MACROD2: variants seen among roughly 807,000 people sequenced by gnomAD.
MACROD2 encodes the protein mono-ADP ribosylhydrolase 2, also known as ADP-ribose glycohydrolase MACROD2.
Under a neutral mutation model 70.4 loss-of-function variants are expected in MACROD2, and 36 were observed. That is an observed-to-expected ratio of 0.51 (90% CI 0.39 to 0.68). The LOEUF (loss-of-function observed/expected upper bound fraction) is 0.68. Ranked by LOEUF, MACROD2 falls within the 30% of genes least tolerant of loss-of-function variation. The probability of loss-of-function intolerance (pLI) is 0.00; values close to 1 mark genes in which losing one functional copy is unlikely to be tolerated. For synonymous variants in MACROD2, 172 were observed against 178.8 expected (o/e 0.96, Z 0.30); for missense variants, 496 against 538.4 (o/e 0.92, Z 0.78).
intron 5 of MACROD2, among the ~76,000 whole-genome samples, chr20:14,982,633 C>T (rs1275658649): frequency 6.6e-6 from 1 of 152,222 alleles, no homozygotes; most frequent in Non-Finnish European, 1.5e-5. Flanking sequence ...AACCTCAAGC[C>T]TTGGCAGCTT....
intron 3 of MACROD2, among the ~76,000 whole-genome samples, chr20:14,168,092 T>G (rs2081187173): frequency 6.6e-6 from 1 of 152,186 alleles, no homozygotes; most frequent in East Asian, 1.9e-4. Flanking sequence ...GATATTAAGC[T>G]TATACAATAG....
At chr20:14,775,827 C>T (rs1018218146) in intron 5 of MACROD2, among the ~76,000 whole-genome samples, 1 of 151,746 alleles carries the variant, frequency 6.6e-6, no homozygotes, top group Non-Finnish European at 1.5e-5. Flanking sequence ...TATATGGACC[C>T]ATAAAGAAAA....
At chr20:14,205,409 G>T (rs1349800106) in intron 3 of MACROD2, among the ~76,000 whole-genome samples, 1 of 152,200 alleles carries the variant, frequency 6.6e-6, no homozygotes, top group African/African-American at 2.4e-5. Context: ...AGTTCTGAAA[G>T]CAGGTTGCCG....
intron 5 of MACROD2, among the ~76,000 whole-genome samples, chr20:14,951,760 T>A (rs1027711558): frequency 1.3e-5 from 2 of 152,090 alleles, no homozygotes; most frequent in Non-Finnish European, 2.9e-5. Flanking sequence ...GATAACCCCT[T>A]TGGCTTTCCT....
chr20:15,596,963 A>G (rs2048754138), intron 8 of MACROD2, among the ~76,000 whole-genome samples: 1 of 152,238 alleles, frequency 6.6e-6, no homozygotes. Flanking sequence ...GCATAAGACA[A>G]TGCCTGCTAT....
intron 4 of MACROD2, among the ~76,000 whole-genome samples, chr20:14,609,330 A>C: frequency 6.6e-6 from 1 of 152,114 alleles, no homozygotes; most frequent in Non-Finnish European, 1.5e-5. Flanking sequence ...ATGAGGAAAG[A>C]GATGAATCCA....
chr20:14,892,684 C>G (rs1178062942), intron 5 of MACROD2: 4 of 152,078 alleles, frequency 2.6e-5, no homozygotes, highest in African/African-American at 9.7e-5. Context: ...CAACAACTTG[C>G]CATTTCCCTT....
At chr20:14,782,445 T>C (rs1040634673) in intron 5 of MACROD2, among the ~76,000 whole-genome samples, 1 of 152,116 alleles carries the variant, frequency 6.6e-6, no homozygotes, top group African/African-American at 2.4e-5. Flanking sequence ...ATTTTAGATA[T>C]AACGTTCTAA....
intron 3 of MACROD2, among the ~76,000 whole-genome samples, chr20:14,392,518 TTAAA>T (rs2083537837): frequency 6.6e-6 from 1 of 152,218 alleles, no homozygotes; most frequent in African/African-American, 2.4e-5. Flanking sequence ...TATATGATAA[TTAAA>T]TACTTGATTT....
chr20:14,063,758 C>T (rs1038092791), intron 2 of MACROD2, among the ~76,000 whole-genome samples: 2 of 152,118 alleles, frequency 1.3e-5, no homozygotes, highest in South Asian at 2.1e-4. Flanking sequence ...GACAGGGTCT[C>T]ACTCTGCAGC....
chr20:15,295,728 A>T (rs1161304587), intron 6 of MACROD2, among the ~76,000 whole-genome samples: 1 of 152,004 alleles, frequency 6.6e-6, no homozygotes, highest in African/African-American at 2.4e-5. Flanking sequence ...CTCCAGACAT[A>T]ATTGTGGAGT....
chr20:14,536,665 A>ATGTG (rs2085369664), intron 4 of MACROD2, among the ~76,000 whole-genome samples: 6 of 114,394 alleles, frequency 5.2e-5, no homozygotes, highest in Admixed American at 2.7e-4. Context: ...GTGTGTGTGC[A>ATGTG]TGCATGTGTG....
At chr20:15,060,166 T>C (rs2075520734) in intron 5 of MACROD2, among the ~76,000 whole-genome samples, 1 of 152,226 alleles carries the variant, frequency 6.6e-6, no homozygotes, top group Non-Finnish European at 1.5e-5. Flanking sequence ...AGAAATTGTA[T>C]ATAACGTTTC....
chr20:15,953,050 T>A (rs1293024302), intron 12 of MACROD2, among the ~76,000 whole-genome samples: 5 of 152,296 alleles, frequency 3.3e-5, no homozygotes, highest in African/African-American at 1.2e-4. Flanking sequence ...AGAAAGCCTG[T>A]CATTCGTGGC....
intron 5 of MACROD2, among the ~76,000 whole-genome samples, chr20:15,153,739 G>T (rs1248071614): frequency 1.3e-5 from 2 of 152,162 alleles, no homozygotes; most frequent in Non-Finnish European, 2.9e-5. Context: ...GAATTTTAGG[G>T]TAGTGTCTCT....
At chr20:14,832,086 A>C (rs1218183065) in intron 5 of MACROD2, among the ~76,000 whole-genome samples, 3 of 113,604 alleles carry the variant, frequency 2.6e-5, no homozygotes, top group Non-Finnish European at 4.9e-5. Context: ...TCTGTGGCCC[A>C]GGCTGGAGTG....
At chr20:14,116,056 T>C (rs1344593170) in intron 3 of MACROD2, among the ~76,000 whole-genome samples, 2 of 152,108 alleles carry the variant, frequency 1.3e-5, no homozygotes, top group Non-Finnish European at 2.9e-5. Context: ...ATGGGGCTGA[T>C]TGGTGAATCT....
At chr20:15,658,742 C>G in intron 8 of MACROD2, among the ~76,000 whole-genome samples, 1 of 152,176 alleles carries the variant, frequency 6.6e-6, no homozygotes, top group South Asian at 2.1e-4. Context: ...TTGCAAGGCT[C>G]AGCTCTGTGG....
At chr20:14,914,553 C>T (rs1016020418) in intron 5 of MACROD2, among the ~76,000 whole-genome samples, 7 of 152,150 alleles carry the variant, frequency 4.6e-5, no homozygotes, top group African/African-American at 1.7e-4. Flanking sequence ...CATTCTCTTA[C>T]AATGTGATTC....
Sources: allele counts gnomAD v4.1 joint callset (sites outside exome capture counted in the v4.1 genomes callset), GRCh38; gene constraint gnomAD v4.1.1; transcripts MANE v1.5; gene names NCBI Gene and HGNC (gene_info 2026-07-23, HGNC 2026-07-21).